Variants in DIAPH3 observed in about 807,000 individuals in gnomAD.
The protein encoded by DIAPH3 is protein diaphanous homolog 3.
In DIAPH3, 117 loss-of-function variants were observed where a neutral mutation model predicts 144.3. The ratio of observed to expected loss-of-function variants is 0.81; its 90% CI spans 0.70 to 0.95. The LOEUF (loss-of-function observed/expected upper bound fraction) is 0.95, where lower values mean the gene tolerates loss of function less well. DIAPH3 is among the 40% of genes least tolerant of loss of function. The probability of loss-of-function intolerance (pLI) is 0.00; values close to 1 mark genes in which losing one functional copy is unlikely to be tolerated. For synonymous variants in DIAPH3, 519 were observed against 488.9 expected (o/e 1.06, Z -0.81); for missense variants, 1,421 against 1,412.7 (o/e 1.01, Z -0.09).
intron 27 of DIAPH3, among the ~76,000 whole-genome samples, chr13:59,728,732 T>C (rs2035728243): frequency 6.6e-6 from 1 of 152,124 alleles, no homozygotes; most frequent in Admixed American, 6.5e-5. Flanking sequence ...GTGACTATAA[T>C]AGGATATATT....
intron 20 of DIAPH3, among the ~76,000 whole-genome samples, chr13:59,881,724 C>T (rs1007449904): frequency 6.6e-6 from 1 of 151,868 alleles, no homozygotes; most frequent in African/African-American, 2.4e-5. Flanking sequence ...TGATGTAATG[C>T]AGAACAAAGT....
At chr13:59,781,052 G>A (rs1165358974) in intron 25 of DIAPH3, among the ~76,000 whole-genome samples, 1 of 152,216 alleles carries the variant, frequency 6.6e-6, no homozygotes, top group East Asian at 1.9e-4. Context: ...ATAAGTCAGT[G>A]ATCCAGTAGG....
At chr13:59,760,296 C>T (rs918782630) in intron 27 of DIAPH3, among the ~76,000 whole-genome samples, 8 of 152,208 alleles carry the variant, frequency 5.3e-5, no homozygotes. Flanking sequence ...AATATGCTTT[C>T]CATCCAGTGA....
At chr13:59,722,227 T>A (rs2035381929) in intron 27 of DIAPH3, among the ~76,000 whole-genome samples, 1 of 152,198 alleles carries the variant, frequency 6.6e-6, no homozygotes, top group Non-Finnish European at 1.5e-5. Context: ...TTAGGAAACA[T>A]TTTTCAAAAA....
rs2037781600 is a variant in DIAPH3, at chr13:59,764,691, C to G, written c.3319+9498G>C. ...GGAGAACACCATGTGATGATGGAGA[C>G]ATACACTGGAGTGATGCAGCTACAA... On this transcript the variant is annotated intron_variant, in intron 27 of 27. Transcript: ENST00000400324. Among the ~76,000 whole-genome samples, 2 of 150,748 alleles carry G rather than the reference C, an allele frequency of 1.3e-5. 1 individual carries two copies. The highest frequency in any genetic ancestry group is 4.3e-4 in the South Asian group (2 of 4,692).
Position 59,810,853 on chromosome 13 carries a change from T to C in DIAPH3, c.3098A>G (p.Glu1033Gly). ...EKEKRVRIAK[E>G]LAERERLERQ... Reference sequence around the variant, plus strand: ...TTCGAGTCTTTCTCGCTCTGCTAATTCTTTAGCTATTCTGACACGTTTTTC... The same window carrying C: ...TTCGAGTCTTTCTCGCTCTGCTAATCCTTTAGCTATTCTGACACGTTTTTC... The change falls in exon 25 of 28, where the codon GAA (glutamate) becomes GGA (glycine). Residue 1033 changes from glutamate to glycine, a missense_variant. Coordinates refer to ENST00000400324, the MANE Select transcript of DIAPH3 (RefSeq NM_001042517.2). 6.2e-7 allele frequency: 1 copy of C among 1,613,590 alleles called. No homozygotes were observed. The highest frequency in any genetic ancestry group is 8.5e-7 in the Non-Finnish European group (1 of 1,179,880).
intron 3 of DIAPH3, among the ~76,000 whole-genome samples, chr13:60,097,811 G>C (rs1219313046): frequency 6.6e-6 from 1 of 151,796 alleles, no homozygotes; most frequent in Non-Finnish European, 1.5e-5. Context: ...AGAGAAATAA[G>C]GGGGCAGTAG....
At chr13:59,815,693 T>C (rs1051868631) in intron 24 of DIAPH3, among the ~76,000 whole-genome samples, 1 of 152,138 alleles carries the variant, frequency 6.6e-6, no homozygotes, top group Non-Finnish European at 1.5e-5. Context: ...TGGGTTCAAG[T>C]GATCCTCTCA....
chr13:59,895,173 G>T (rs340220), intron 20 of DIAPH3, among the ~76,000 whole-genome samples: 104,966 of 151,952 alleles, frequency 0.69, 38,109 homozygotes, highest in East Asian at 0.86. Context: ...ATAACAATTT[G>T]AACAAATTCC....
intron 17 of DIAPH3, among the ~76,000 whole-genome samples, chr13:59,947,923 A>T (rs2048884492): frequency 6.6e-6 from 1 of 152,190 alleles, no homozygotes; most frequent in South Asian, 2.1e-4. Context: ...CCTATTCATA[A>T]CAGCTTTGAT....
intron 27 of DIAPH3, among the ~76,000 whole-genome samples, chr13:59,705,585 G>A (rs73542598): frequency 1.7e-3 from 261 of 152,270 alleles, no homozygotes; most frequent in African/African-American, 6.0e-3. Context: ...TTGTAAACTG[G>A]CTCTGAAGGC....
At chr13:59,714,819 T>C (rs2034966650) in intron 27 of DIAPH3, among the ~76,000 whole-genome samples, 1 of 152,092 alleles carries the variant, frequency 6.6e-6, no homozygotes, top group South Asian at 2.1e-4. Flanking sequence ...GCTGGGGGTG[T>C]GGAGAGTGTG....
At chr13:59,701,941 C>G (rs1198614748) in intron 27 of DIAPH3, among the ~76,000 whole-genome samples, 5 of 152,166 alleles carry the variant, frequency 3.3e-5, no homozygotes. Flanking sequence ...TGAGTACTGC[C>G]TTTCTCCAGA....
At chr13:59,788,828 A>C (rs1373002478) in intron 25 of DIAPH3, among the ~76,000 whole-genome samples, 1 of 152,232 alleles carries the variant, frequency 6.6e-6, no homozygotes, top group Non-Finnish European at 1.5e-5. Context: ...CAGAGCCAGC[A>C]ATGGGTTTTA....
intron 9 of DIAPH3, among the ~76,000 whole-genome samples, chr13:59,999,453 G>A (rs549213281): frequency 6.6e-6 from 1 of 151,886 alleles, no homozygotes; most frequent in African/African-American, 2.4e-5. Context: ...TTAAGTTAAG[G>A]AAAAATTTAA....
intron 27 of DIAPH3, among the ~76,000 whole-genome samples, chr13:59,668,104 T>C (rs1406632199): frequency 1.3e-5 from 2 of 152,224 alleles, no homozygotes; most frequent in African/African-American, 2.4e-5. Context: ...CTATATCAGG[T>C]GGGCAACTGT....
intron 12 of DIAPH3, 118 bp downstream of exon 12, chr13:59,991,040 A>G (rs1277659814): frequency 1.4e-5 from 9 of 654,078 alleles, no homozygotes; most frequent in Non-Finnish European, 2.1e-5. Context: ...CATTCTATGA[A>G]TCAGTGTTAT....
intron 3 of DIAPH3, among the ~76,000 whole-genome samples, chr13:60,111,285 C>T (rs1376130093): frequency 6.6e-6 from 1 of 152,182 alleles, no homozygotes; most frequent in East Asian, 1.9e-4. Context: ...GAGTTCAAGT[C>T]TCCACAGATC....
At chr13:59,904,743 G>A (rs993826016) in intron 20 of DIAPH3, among the ~76,000 whole-genome samples, 1 of 151,970 alleles carries the variant, frequency 6.6e-6, no homozygotes, top group Non-Finnish European at 1.5e-5. Context: ...TACAGCAGAC[G>A]TCATAAATAA....
Sources: allele counts gnomAD v4.1 joint callset (sites outside exome capture counted in the v4.1 genomes callset), GRCh38; gene constraint gnomAD v4.1.1; transcripts MANE v1.5; gene names NCBI Gene and HGNC (gene_info 2026-07-23, HGNC 2026-07-21).